CTNNA3: variants seen among roughly 807,000 people sequenced by gnomAD.
CTNNA3 encodes the protein catenin alpha 3, also known as catenin alpha-3.
Under a neutral mutation model 95.7 loss-of-function variants are expected in CTNNA3, and 76 were observed. That is an observed-to-expected ratio of 0.79 (90% CI 0.66 to 0.96). CTNNA3 has a LOEUF of 0.96. Among genes scored for constraint, CTNNA3 ranks in the 40% least tolerant of loss-of-function variants. CTNNA3 has a pLI of 0.00. For missense variants in CTNNA3, 1,191 were observed against 1,089.8 expected (o/e 1.09, Z -1.31); for synonymous variants, 431 against 374.4 (o/e 1.15, Z -1.74).
chr10:65,944,894 A>G lies in CTNNA3; in HGVS notation c.2400+21718T>C, dbSNP rs1328066111. ...TATCTATCTATCTATCTATCTATCT[A>G]TCTATCATCTATCTATCATCTATTT... On this transcript the variant is annotated intron_variant, in intron 17 of 17. Coordinates refer to ENST00000433211, the MANE Select transcript of CTNNA3 (RefSeq NM_013266.4). Among the ~76,000 whole-genome samples, 20 of 118,648 alleles carry G rather than the reference A, an allele frequency of 1.7e-4. No individual in the cohort carries two copies. In the South Asian group the frequency reaches 6.3e-3, roughly 37 times the overall value. 77.8% of individuals were successfully genotyped at this position (118,648 alleles called of 152,430 possible). A position where few individuals can be genotyped will look rare whatever the true frequency, so the allele number is the denominator to read the frequency against.
chr10:67,633,311 G>C (rs1428172364), intron 2 of CTNNA3, among the ~76,000 whole-genome samples: 1 of 152,136 alleles, frequency 6.6e-6, no homozygotes, highest in Non-Finnish European at 1.5e-5. Context: ...TAGCCTGCCA[G>C]CTTTGGAGAA....
intron 9 of CTNNA3, among the ~76,000 whole-genome samples, chr10:66,714,609 G>A (rs959081907): frequency 2.0e-5 from 3 of 151,928 alleles, no homozygotes; most frequent in African/African-American, 7.3e-5. Flanking sequence ...GCTTTTTTGA[G>A]CAGTGCTTCT....
intron 17 of CTNNA3, among the ~76,000 whole-genome samples, chr10:65,964,101 C>T (rs538398572): frequency 1.1e-3 from 164 of 152,260 alleles, no homozygotes; most frequent in South Asian, 2.7e-3. Context: ...TTTTTAGTGT[C>T]TCTCTGCTTT....
intron 5 of CTNNA3, among the ~76,000 whole-genome samples, chr10:67,430,316 A>C (rs1846068397): frequency 1.3e-5 from 2 of 151,908 alleles, no homozygotes; most frequent in African/African-American, 4.8e-5. Flanking sequence ...TTGGATATAA[A>C]TTTACCAGCT....
At chr10:67,041,814 T>A (rs1230458405) in intron 7 of CTNNA3, among the ~76,000 whole-genome samples, 2 of 152,070 alleles carry the variant, frequency 1.3e-5, no homozygotes, top group Non-Finnish European at 2.9e-5. Flanking sequence ...AGAATGACAA[T>A]AAAGTGCTGT....
At chr10:66,823,231 C>T (rs923650178) in intron 7 of CTNNA3, among the ~76,000 whole-genome samples, 13 of 152,308 alleles carry the variant, frequency 8.5e-5, no homozygotes, top group Admixed American at 6.5e-4. Flanking sequence ...CAATGGTAGA[C>T]ATTAACTCAA....
At chr10:67,418,572 T>C (rs73266268) in intron 5 of CTNNA3, among the ~76,000 whole-genome samples, 27 of 150,552 alleles carry the variant, frequency 1.8e-4, no homozygotes, top group African/African-American at 6.3e-4. Flanking sequence ...TTCAAGCATA[T>C]TATGTTAAGT....
rs146338817 is a variant in CTNNA3, at chr10:66,441,217, GTTGCTT to G, written c.1532-61871_1532-61866del. Among the ~76,000 whole-genome samples, 2,754 of 140,130 alleles carry G rather than the reference GTTGCTT, an allele frequency of 0.02. 192 individuals carry two copies. The East Asian group carries it at 0.26, about 13-fold the overall frequency. The allele number at this position is 140,130 out of a possible 152,430, so 91.9% of individuals were successfully genotyped here. On this transcript the variant is annotated intron_variant, in intron 11 of 17. Coordinates refer to ENST00000433211, the MANE Select transcript of CTNNA3 (RefSeq NM_013266.4). Reference sequence around the variant, plus strand: ...TAATTTTAAAAAATCAACACTAATGGTTGCTTTTCTGATGGTGCTTGCTGTCTAATA... The same window carrying G: ...TAATTTTAAAAAATCAACACTAATGGTTCTGATGGTGCTTGCTGTCTAATA...
chr10:66,666,971 A>T (rs1018994699), intron 9 of CTNNA3, among the ~76,000 whole-genome samples: 3 of 152,156 alleles, frequency 2.0e-5, no homozygotes, highest in African/African-American at 7.2e-5. Context: ...TTTTTAAAAA[A>T]AGGCTGTGAA....
chr10:67,470,036 T>C (rs559121187), intron 5 of CTNNA3, among the ~76,000 whole-genome samples: 6 of 152,296 alleles, frequency 3.9e-5, no homozygotes, highest in African/African-American at 1.4e-4. Flanking sequence ...CTAGGTCTTA[T>C]TCATTCTTTC....
In CTNNA3 at chr10:65,920,179, T is replaced by C. The variant is rs570507807; in HGVS notation, c.*151A>G. 1.5e-6 allele frequency: 1 copy of C among 645,776 alleles called. No individual in the cohort carries two copies. Among genetic ancestry groups the C allele is most frequent in the Non-Finnish European group, 2.7e-6 (1 of 372,112 alleles). The allele number at this position is 645,776 out of a possible 1,614,324, so 40.0% of individuals were successfully genotyped here. ...ACAGTGATATGATCCCAAATATATA[T>C]TGCTTTTGTTGATTTAGCGCCCAAT... is the stretch of plus-strand genomic sequence containing the variant. On this transcript the variant is annotated 3_prime_UTR_variant, in exon 18 of 18. Coordinates refer to ENST00000433211, the MANE Select transcript of CTNNA3 (RefSeq NM_013266.4).
chr10:67,033,844 C>T (rs1010235188), intron 7 of CTNNA3, among the ~76,000 whole-genome samples: 1 of 152,144 alleles, frequency 6.6e-6, no homozygotes, highest in Non-Finnish European at 1.5e-5. Context: ...GATCTCAGCT[C>T]ACCGCAACCT....
chr10:67,243,602 T>C (rs1279353657), intron 5 of CTNNA3, among the ~76,000 whole-genome samples: 4 of 152,124 alleles, frequency 2.6e-5, no homozygotes, highest in Admixed American at 2.6e-4. Context: ...ACAAGCATGC[T>C]TCTCTGGCTT....
At chr10:66,239,102 CTATAA>C (rs2089991823) in intron 13 of CTNNA3, among the ~76,000 whole-genome samples, 1 of 151,488 alleles carries the variant, frequency 6.6e-6, no homozygotes. Context: ...GAAATAAGAA[CTATAA>C]TATATTTATA....
intron 14 of CTNNA3, among the ~76,000 whole-genome samples, chr10:66,072,124 A>G (rs2080449895): frequency 6.6e-6 from 1 of 152,208 alleles, no homozygotes; most frequent in African/African-American, 2.4e-5. Context: ...CTCTGTTCCA[A>G]TAACACCTTA....
intron 7 of CTNNA3, among the ~76,000 whole-genome samples, chr10:67,082,659 G>T (rs966643664): frequency 6.6e-6 from 1 of 152,104 alleles, no homozygotes; most frequent in African/African-American, 2.4e-5. Flanking sequence ...AATTAGATAG[G>T]AATATGTTAT....
chr10:67,743,516 C>G (rs1399283503), intron 1 of CTNNA3, among the ~76,000 whole-genome samples: 3 of 151,134 alleles, frequency 2.0e-5, no homozygotes, highest in African/African-American at 4.9e-5. Context: ...ATAATAAGAG[C>G]TATCTATGAC....
At chr10:67,232,963 A>G (rs1267935122) in intron 5 of CTNNA3, among the ~76,000 whole-genome samples, 10 of 152,200 alleles carry the variant, frequency 6.6e-5, no homozygotes, top group East Asian at 1.9e-4. Flanking sequence ...AGAGCTAACT[A>G]TCCTAAATAT....
At chr10:66,231,869 T>C (rs954817873) in intron 13 of CTNNA3, among the ~76,000 whole-genome samples, 1 of 152,138 alleles carries the variant, frequency 6.6e-6, no homozygotes, top group Non-Finnish European at 1.5e-5. Flanking sequence ...CCCCATTCTC[T>C]CTCTACTCCT....
Sources: gnomAD v4.1 joint callset for allele counts (sites outside exome capture counted in the v4.1 genomes callset) on GRCh38, gnomAD v4.1.1 for gene constraint, MANE v1.5 for transcripts, NCBI Gene and HGNC (gene_info 2026-07-23, HGNC 2026-07-21) for gene names.